The following DLG2 variants were observed in gnomAD, a reference collection of about 807,000 sequenced individuals.
DLG2 encodes the protein discs large MAGUK scaffold protein 2, also known as disks large homolog 2.
DLG2 carries 45 observed loss-of-function variants against 132.5 expected under a neutral mutation model. The observed-to-expected ratio is 0.34, with a 90% CI of 0.27 to 0.44. The LOEUF (loss-of-function observed/expected upper bound fraction) is 0.44, where lower values mean the gene tolerates loss of function less well. DLG2 is among the 20% of genes least tolerant of loss of function. The pLI is 1.00. For synonymous variants in DLG2, 424 were observed against 419.6 expected, an observed-to-expected ratio of 1.01 and a Z score of -0.13; for missense variants, 1,045 against 1,196.9, an observed-to-expected ratio of 0.87 and a Z score of 1.87.
At chr11:84,564,566 C>T (rs1040326181) in intron 6 of DLG2, among the ~76,000 whole-genome samples, 3 of 152,098 alleles carry the variant, frequency 2.0e-5, no homozygotes, top group Non-Finnish European at 4.4e-5. Flanking sequence ...AAAATAGCAC[C>T]TCCATTTCTT....
chr11:85,271,897 G>C (rs2152736511), intron 4 of DLG2, among the ~76,000 whole-genome samples: 1 of 152,300 alleles, frequency 6.6e-6, no homozygotes, highest in South Asian at 2.1e-4. Flanking sequence ...ACTTTGGACT[G>C]TGTACTTTTG....
At chr11:84,927,074 A>G (rs2093003385) in intron 6 of DLG2, among the ~76,000 whole-genome samples, 1 of 152,036 alleles carries the variant, frequency 6.6e-6, no homozygotes, top group Non-Finnish European at 1.5e-5. Context: ...CTATCTACAT[A>G]TATTTGGCTT....
intron 6 of DLG2, among the ~76,000 whole-genome samples, chr11:85,079,022 A>ATTG (rs2066903029): frequency 1.3e-5 from 2 of 150,044 alleles, no homozygotes. Context: ...TATGTGTTTT[A>ATTG]GGGGGGGGGT....
chr11:84,030,694 A>T (rs780935535), intron 11 of DLG2, among the ~76,000 whole-genome samples: 17 of 152,154 alleles, frequency 1.1e-4, no homozygotes. Context: ...ATAAATCCAG[A>T]TAGTTGCCTC....
At chr11:84,815,408 A>G (rs1413998577) in intron 6 of DLG2, among the ~76,000 whole-genome samples, 1 of 152,058 alleles carries the variant, frequency 6.6e-6, no homozygotes, top group Non-Finnish European at 1.5e-5. Context: ...TCTGGCTTAC[A>G]TAATTACATG....
Position 85,043,966 on chromosome 11 carries a change from T to C in DLG2, c.357+67695A>G, listed in dbSNP as rs147154017. 1.0e-3 allele frequency among the ~76,000 whole-genome samples: 154 copies of C among 152,062 alleles called. 2 individuals carry two copies. The highest frequency in any genetic ancestry group is 3.4e-3 in the African/African-American group (141 of 41,530). On this transcript the variant is annotated intron_variant, in intron 6 of 27. Transcript: ENST00000376104. ...AATTCAAAGTTCAATAAGACATTTA[T>C]ATATACAGAATAACTTTAATAAACA...
At chr11:85,627,182 C>G (rs1192926954) in intron 1 of DLG2, 36 bp downstream of exon 1, 1 of 152,056 alleles carries the variant, frequency 6.6e-6, no homozygotes, top group Admixed American at 6.6e-5. Flanking sequence ...TTGAAAGGCC[C>G]CCTTATATTT....
chr11:83,725,910 C>T (rs937978050), intron 18 of DLG2, among the ~76,000 whole-genome samples: 6 of 152,168 alleles, frequency 3.9e-5, no homozygotes, highest in African/African-American at 1.4e-4. Flanking sequence ...TATTTCCCAG[C>T]ACGGTCTACT....
chr11:84,374,276 C>T (rs932819985), intron 7 of DLG2, among the ~76,000 whole-genome samples: 8 of 152,126 alleles, frequency 5.3e-5, no homozygotes, highest in African/African-American at 1.9e-4. Flanking sequence ...AGTAATCCAC[C>T]CAATTTGAAC....
At chr11:83,822,076 C>T (rs953998596) in intron 17 of DLG2, among the ~76,000 whole-genome samples, 6 of 152,128 alleles carry the variant, frequency 3.9e-5, no homozygotes, top group African/African-American at 1.2e-4. Flanking sequence ...AAAATACTGA[C>T]TTTGAAGCTG....
intron 21 of DLG2, among the ~76,000 whole-genome samples, chr11:83,513,554 T>C (rs913962095): frequency 6.6e-6 from 1 of 152,244 alleles, no homozygotes; most frequent in Non-Finnish European, 1.5e-5. Flanking sequence ...TTGTCAATTT[T>C]GGCTTTTGTT....
At chr11:84,685,119 G>A (rs2099736999) in intron 6 of DLG2, among the ~76,000 whole-genome samples, 1 of 152,226 alleles carries the variant, frequency 6.6e-6, no homozygotes, top group Admixed American at 6.5e-5. Context: ...GAAAAGAAGT[G>A]AGTTGTCCAA....
intron 7 of DLG2, among the ~76,000 whole-genome samples, chr11:84,522,028 C>T (rs1324102732): frequency 6.6e-6 from 1 of 151,886 alleles, no homozygotes; most frequent in Non-Finnish European, 1.5e-5. Flanking sequence ...ATGAGTTGGG[C>T]GTGGTGGCAC....
At chr11:84,626,494 G>A (rs2099622705) in intron 6 of DLG2, among the ~76,000 whole-genome samples, 1 of 152,178 alleles carries the variant, frequency 6.6e-6, no homozygotes, top group South Asian at 2.1e-4. Context: ...AGTTGGTGGA[G>A]CCAGTCACTG....
intron 15 of DLG2, among the ~76,000 whole-genome samples, chr11:83,895,424 T>C (rs2071368991): frequency 1.3e-5 from 2 of 152,200 alleles, no homozygotes; most frequent in South Asian, 4.1e-4. Flanking sequence ...CTTTCCAAAG[T>C]GCTGGGATTA....
intron 8 of DLG2, among the ~76,000 whole-genome samples, chr11:84,225,693 T>C (rs765418378): frequency 2.0e-5 from 3 of 152,212 alleles, no homozygotes; most frequent in Non-Finnish European, 4.4e-5. Flanking sequence ...AAATTCTCTA[T>C]ATTTTTCATC....
chr11:84,751,283 CACTT>C (rs749340514), intron 6 of DLG2, among the ~76,000 whole-genome samples: 23 of 152,114 alleles, frequency 1.5e-4, no homozygotes, highest in Non-Finnish European at 8.8e-5. Context: ...TGCTTTATCT[CACTT>C]AATCCTCAAA....
At chr11:85,386,873 AG>A (rs1262481498) in intron 3 of DLG2, among the ~76,000 whole-genome samples, 1 of 150,664 alleles carries the variant, frequency 6.6e-6, no homozygotes, top group Non-Finnish European at 1.5e-5. Context: ...AAAAAAAAAA[AG>A]TTAAAGAATA....
intron 21 of DLG2, among the ~76,000 whole-genome samples, chr11:83,521,120 A>G (rs1278837291): frequency 6.6e-6 from 1 of 152,202 alleles, no homozygotes; most frequent in Non-Finnish European, 1.5e-5. Context: ...CACAAATTAA[A>G]TGGAACTGTA....
Sources: allele counts gnomAD v4.1 joint callset (sites outside exome capture counted in the v4.1 genomes callset), GRCh38; gene constraint gnomAD v4.1.1; transcripts MANE v1.5; gene names NCBI Gene and HGNC (gene_info 2026-07-23, HGNC 2026-07-21).